Variants in SLC26A7 observed in about 807,000 individuals in gnomAD.
SLC26A7 encodes anion exchange transporter.
SLC26A7 carries 59 observed loss-of-function variants against 82.5 expected under a neutral mutation model. That is an observed-to-expected ratio of 0.72 (90% CI 0.58 to 0.89). SLC26A7 has a LOEUF of 0.89. Among genes scored for constraint, SLC26A7 ranks in the 40% least tolerant of loss-of-function variants. The probability of loss-of-function intolerance (pLI) is 0.00; values close to 1 mark genes in which losing one functional copy is unlikely to be tolerated. For synonymous variants in SLC26A7, 271 were observed against 274.3 expected (o/e 0.99, Z 0.12); for missense variants, 820 against 793.0 (o/e 1.03, Z -0.41).
At chr8:91,375,780 A>C (rs1048465648) in intron 15 of SLC26A7, among the ~76,000 whole-genome samples, 3 of 151,604 alleles carry the variant, frequency 2.0e-5, no homozygotes, top group African/African-American at 7.3e-5. Context: ...TAATTACCTC[A>C]CATGCAAGAT....
At chr8:91,262,994 G>A (rs1811009895) in intron 2 of SLC26A7, among the ~76,000 whole-genome samples, 1 of 151,966 alleles carries the variant, frequency 6.6e-6, no homozygotes, top group African/African-American at 2.4e-5. Context: ...ATCTTACCTT[G>A]TGTGCTGTGA....
At chr8:91,269,462 C>A (rs1401974418) in intron 2 of SLC26A7, among the ~76,000 whole-genome samples, 1 of 152,018 alleles carries the variant, frequency 6.6e-6, no homozygotes, top group Non-Finnish European at 1.5e-5. Context: ...CTGTCTCCTG[C>A]CTTGTAGGGT....
At chr8:91,248,150 A>T (rs1031981686), upstream of SLC26A7, among the ~76,000 whole-genome samples, 1 of 152,146 alleles carries the variant, frequency 6.6e-6, no homozygotes, top group South Asian at 2.1e-4. Context: ...TGAACTATTG[A>T]ATGGTTTAGA....
At chr8:91,289,437 C>T (rs1298084277) in intron 3 of SLC26A7, among the ~76,000 whole-genome samples, 191 bp downstream of exon 3, 1 of 152,048 alleles carries the variant, frequency 6.6e-6, no homozygotes, top group Non-Finnish European at 1.5e-5. Flanking sequence ...ACTGTGTAGC[C>T]AAGGTAATTG....
intron 1 of SLC26A7, among the ~76,000 whole-genome samples, chr8:91,216,981 AC>A (rs1174124119): frequency 6.6e-6 from 1 of 152,066 alleles, no homozygotes; most frequent in Admixed American, 6.6e-5. Flanking sequence ...ATTCTAGTCA[AC>A]CTTCAAAACC....
At chr8:91,272,336 A>G (rs966874566) in intron 2 of SLC26A7, among the ~76,000 whole-genome samples, 4 of 152,208 alleles carry the variant, frequency 2.6e-5, no homozygotes, top group Non-Finnish European at 5.9e-5. Flanking sequence ...AATTGAAGTA[A>G]TTCTTAGTAT....
At chr8:91,262,370 G>A (rs1236467812) in intron 2 of SLC26A7, among the ~76,000 whole-genome samples, 1 of 152,034 alleles carries the variant, frequency 6.6e-6, no homozygotes, top group East Asian at 1.9e-4. Context: ...AAAGTTCTGG[G>A]TAGAAAGGAG....
At chr8:91,355,314 A>G (rs1813832322) in intron 11 of SLC26A7, among the ~76,000 whole-genome samples, 1 of 152,140 alleles carries the variant, frequency 6.6e-6, no homozygotes, top group Non-Finnish European at 1.5e-5. Context: ...TTGATCGCAT[A>G]ATCAGGAATT....
In SLC26A7 at chr8:91,344,082, G is replaced by A. The variant is rs563424814; in HGVS notation, c.1140+616G>A. 6 of 985,342 alleles carry A rather than the reference G, an allele frequency of 6.1e-6. No individual in the cohort carries two copies. The Admixed American group carries it at 2.5e-4, about 40-fold the overall frequency. The allele number at this position is 985,342 out of a possible 1,614,324, so 61.0% of individuals were successfully genotyped here. On this transcript the variant is annotated intron_variant, in intron 9 of 18. Transcript: ENST00000276609. ...AGATGTTGCTATTGATGATGATGGT[G>A]GTAGTGGTGGAAAAGATATTGAGTT...
At chr8:91,219,071 T>C in intron 2 of SLC26A7, 2 of 682,558 alleles carry the variant, frequency 2.9e-6, no homozygotes, top group Non-Finnish European at 2.4e-6. Context: ...GATTATGCCC[T>C]ACTTAAGATA....
At chr8:91,391,039 C>T (rs1814952800) in intron 16 of SLC26A7, among the ~76,000 whole-genome samples, 1 of 152,132 alleles carries the variant, frequency 6.6e-6, no homozygotes, top group Non-Finnish European at 1.5e-5. Context: ...AGATCAGAAT[C>T]CTTGAAAAGG....
chr8:91,303,279 C>A (rs1485420594), intron 4 of SLC26A7, among the ~76,000 whole-genome samples: 2 of 152,154 alleles, frequency 1.3e-5, no homozygotes, highest in Non-Finnish European at 2.9e-5. Flanking sequence ...CTCCCTGTAG[C>A]TTTTATTATT....
chr8:91,322,809 A>C (rs2130814556), intron 5 of SLC26A7, among the ~76,000 whole-genome samples: 1 of 152,264 alleles, frequency 6.6e-6, no homozygotes, highest in South Asian at 2.1e-4. Context: ...CCTTCTTGGA[A>C]GTTTTTATTT....
intron 4 of SLC26A7, 42 bp downstream of exon 4, chr8:91,295,745 C>T (rs746770043): frequency 1.3e-5 from 20 of 1,578,842 alleles, no homozygotes; most frequent in South Asian, 3.5e-5. Context: ...AGGGACACAG[C>T]GGCACAGGGA....
At chr8:91,355,565 A>T (rs1813840631) in intron 11 of SLC26A7, among the ~76,000 whole-genome samples, 1 of 150,010 alleles carries the variant, frequency 6.7e-6, no homozygotes, top group Admixed American at 6.6e-5. Context: ...ATTTTCATTC[A>T]TTTTCTTTCC....
intron 15 of SLC26A7, among the ~76,000 whole-genome samples, chr8:91,386,036 G>A (rs1814790022): frequency 1.3e-5 from 2 of 152,136 alleles, no homozygotes; most frequent in South Asian, 4.1e-4. Flanking sequence ...GCACTGAATT[G>A]ATGGAAATTG....
intron 2 of SLC26A7, among the ~76,000 whole-genome samples, chr8:91,261,465 A>G (rs1810963292): frequency 1.3e-5 from 2 of 152,054 alleles, no homozygotes; most frequent in South Asian, 4.1e-4. Flanking sequence ...CCTTGAGTAG[A>G]TTGTATAACC....
At chr8:91,309,255 AATTAT>A (rs570195820) in intron 4 of SLC26A7, among the ~76,000 whole-genome samples, 5 of 151,436 alleles carry the variant, frequency 3.3e-5, no homozygotes, top group African/African-American at 7.2e-5. Context: ...TATGTATATT[AATTAT>A]ATTATGTATA....
At chr8:91,318,101 G>A (rs936342039) in intron 4 of SLC26A7, 115 bp from the exon 5 acceptor site, 42 of 855,918 alleles carry the variant, frequency 4.9e-5, no homozygotes, top group Non-Finnish European at 7.1e-5. Context: ...CTTGTTACAT[G>A]TCAGTTCTCT....
Sources: gnomAD v4.1 joint callset for allele counts (sites outside exome capture counted in the v4.1 genomes callset) on GRCh38, gnomAD v4.1.1 for gene constraint, MANE v1.5 for transcripts, NCBI Gene and HGNC (gene_info 2026-07-23, HGNC 2026-07-21) for gene names.